Variants in SIAH2 observed in about 807,000 individuals in gnomAD.
The protein encoded by SIAH2 is siah E3 ubiquitin protein ligase 2, also known as E3 ubiquitin-protein ligase SIAH2.
Under a neutral mutation model 20.4 loss-of-function variants are expected in SIAH2, and 4 were observed. That is an observed-to-expected ratio of 0.20 (90% CI 0.10 to 0.45). The LOEUF is 0.45. SIAH2 is among the 20% of genes least tolerant of loss of function. The pLI is 0.99. For missense variants in SIAH2, 259 were observed against 440.3 expected, an observed-to-expected ratio of 0.59 and a Z score of 3.69; for synonymous variants, 171 against 192.5, an observed-to-expected ratio of 0.89 and a Z score of 0.93.
Position 150,762,915 on chromosome 3 carries a change from G to C in SIAH2, c.-66C>G, listed in dbSNP as rs1714659705. 1 of 1,127,362 alleles carries C rather than the reference G, an allele frequency of 8.9e-7. No homozygotes were observed. Among genetic ancestry groups the C allele is most frequent in the Admixed American group, 4.9e-5 (1 of 20,210 alleles). 69.8% of individuals were successfully genotyped at this position (1,127,362 alleles called of 1,614,324 possible). ...CCGCGGGGCCGCCCGGGTCAAGGCG[G>C]TGCGCGCCCCGCGGGCAGCGAGCTC... On this transcript the variant is annotated 5_prime_UTR_variant, in exon 1 of 2. Transcript: ENST00000312960. This position sits in a 1 kb window ranked among gnomAD's most constrained non-coding sequence, Gnocchi z 6.6.
Position 150,762,464 on chromosome 3 carries a change from T to C in SIAH2, c.386A>G (p.Lys129Arg). Residue 129 changes from lysine (K) to arginine (R), a missense_variant, in exon 1 of 2, where the codon AAG (lysine) becomes AGG (arginine). Physicochemically the swap from Lys to Arg is conservative, Grantham distance 26. Transcript: ENST00000312960. This position sits in a 1 kb window ranked among gnomAD's most constrained non-coding sequence, Gnocchi z 6.6. ...TPSIRNLAMEKVASAVLFPCK... is the reference protein window; with the variant it reads ...TPSIRNLAMERVASAVLFPCK... Reference sequence around the variant, plus strand: ...GGGAAACAGGACTGCCGAGGCCACCTTCTCCATAGCCAGGTTCCTGATGCT... The same window carrying C: ...GGGAAACAGGACTGCCGAGGCCACCCTCTCCATAGCCAGGTTCCTGATGCT... 1 of 1,613,430 alleles carries C rather than the reference T, an allele frequency of 6.2e-7. No homozygotes were observed. The highest frequency in any genetic ancestry group is 8.5e-7 in the Non-Finnish European group (1 of 1,179,836).
chr3:150,742,933 C>T lies in SIAH2; in HGVS notation c.418-235G>A, dbSNP rs992174950. On this transcript the variant is annotated intron_variant, in intron 1 of 1. Transcript: ENST00000312960. The surrounding 1 kb of genome is among the most constrained non-coding windows in gnomAD (Gnocchi z 4.8). ...AACCAGAAATACGCTGTTTTCCATG[C>T]CCCCTGTTCCGCTGTCAAAGGGATC... 1.3e-5 allele frequency among the ~76,000 whole-genome samples: 2 copies of T among 152,182 alleles called. No individual in the cohort carries two copies. Among genetic ancestry groups the T allele is most frequent in the Non-Finnish European group, 2.9e-5 (2 of 68,032 alleles).
chr3:150,742,722 GC>G lies in SIAH2; in HGVS notation c.418-25del. 2.0e-6 allele frequency: 3 copies of G among 1,512,434 alleles called. No individual in the cohort carries two copies. Among genetic ancestry groups the G allele is most frequent in the Non-Finnish European group, 2.7e-6 (3 of 1,130,576 alleles). 93.7% of individuals were successfully genotyped at this position (1,512,434 alleles called of 1,614,324 possible). A position where few individuals can be genotyped will look rare whatever the true frequency, so the allele number is the denominator to read the frequency against. On this transcript the variant is annotated intron_variant, in intron 1 of 1. Transcript: ENST00000312960. The surrounding 1 kb of genome is among the most constrained non-coding windows in gnomAD (Gnocchi z 4.8). ...TACTGCAAAGAAAGAAATGCATTGA[GC>G]CATTGGGCCTTCTCAAAACTTCTAT...
rs1260860425 is a variant in SIAH2 at position 150,742,621 on chromosome 3, G to A, written c.495C>T (p.Pro165=). Reference sequence around the variant, plus strand: ...AAGCACCAGGACATGGGCAGGAGTAGGGACGGTATTCACATATGTCTTCAT... The same window carrying A: ...AAGCACCAGGACATGGGCAGGAGTAAGGACGGTATTCACATATGTCTTCAT... The part of the protein sequence containing the change: ...PEHEDICEYR[P]YSCPCPGASC... The change falls in exon 2 of 2, where the codon CCC becomes CCT. Residue 165 remains proline, a synonymous_variant. Coordinates refer to ENST00000312960, the MANE Select transcript of SIAH2 (RefSeq NM_005067.7). The surrounding 1 kb of genome is among the most constrained non-coding windows in gnomAD (Gnocchi z 4.8). 2 of 1,608,700 alleles carry A rather than the reference G, an allele frequency of 1.2e-6. No homozygotes were observed. Among genetic ancestry groups the A allele is most frequent in the African/African-American group, 1.3e-5 (1 of 74,856 alleles).
chr3:150,762,840 G>A lies in SIAH2; in HGVS notation c.10C>T (p.Pro4Ser), dbSNP rs761690507. The change falls in exon 1 of 2, where the codon CCG (proline) becomes TCG (serine). Residue 4 changes from proline to serine, a missense_variant. Pro to Ser is a moderately conservative substitution (Grantham distance 74). Transcript: ENST00000312960. This position sits in a 1 kb window ranked among gnomAD's most constrained non-coding sequence, Gnocchi z 6.6. ...TTAGCGCTGGGGCCGGTGGAGGACG[G>A]GCGGCTCATCGCGCTCCGAACCAAC... MSR[P>S]SSTGPSANKP... 3 of 1,213,286 alleles carry A rather than the reference G, an allele frequency of 2.5e-6. No homozygotes were observed. The highest frequency in any genetic ancestry group is 3.1e-6 in the Non-Finnish European group (3 of 962,040). The allele number at this position is 1,213,286 out of a possible 1,614,324, so 75.2% of individuals were successfully genotyped here.
At chr3:150,750,629 G>C (rs939798896) in intron 1 of SIAH2, among the ~76,000 whole-genome samples, 2 of 151,978 alleles carry the variant, frequency 1.3e-5, no homozygotes, top group Non-Finnish European at 2.9e-5. Context: ...TGTTAGCCAG[G>C]GTAGTCATGA....
chr3:150,753,630 C>CA lies in SIAH2; in HGVS notation c.417+8802dup, dbSNP rs1426312254. On this transcript the variant is annotated intron_variant, in intron 1 of 1. Transcript: ENST00000312960. ...GCAACATGGTGAAACCCTGTTCCTACAAAAAATACAAACATTAGCCAAGCC... is the reference window on the plus strand; with the variant it reads ...GCAACATGGTGAAACCCTGTTCCTACAAAAAAATACAAACATTAGCCAAGCC... 2.0e-5 allele frequency among the ~76,000 whole-genome samples: 3 copies of CA among 151,976 alleles called. No homozygotes were observed. In the East Asian group the frequency reaches 5.8e-4, roughly 29 times the overall value.
intron 1 of SIAH2, among the ~76,000 whole-genome samples, chr3:150,761,562 T>G (rs1054379111): frequency 6.6e-6 from 1 of 152,238 alleles, no homozygotes; most frequent in East Asian, 1.9e-4. Context: ...TCTATGATTC[T>G]ATATTTAGCT....
chr3:150,742,024 ACAC>A lies in SIAH2; in HGVS notation c.*114_*116del. Reference sequence around the variant, plus strand: ...GATGGGACACTGCTGTTCAAACAAAACACGGGTAATTGTGGGTCCTGACTTGTG... The same window carrying A: ...GATGGGACACTGCTGTTCAAACAAAAGGGTAATTGTGGGTCCTGACTTGTG... On this transcript the variant is annotated 3_prime_UTR_variant, in exon 2 of 2. Transcript: ENST00000312960. This position sits in a 1 kb window ranked among gnomAD's most constrained non-coding sequence, Gnocchi z 4.8. 1 of 1,023,928 alleles carries A rather than the reference ACAC, an allele frequency of 9.8e-7. No homozygotes were observed. The highest frequency in any genetic ancestry group is 1.4e-6 in the Non-Finnish European group (1 of 705,596). The allele number at this position is 1,023,928 out of a possible 1,614,324, so 63.4% of individuals were successfully genotyped here. A position where few individuals can be genotyped will look rare whatever the true frequency, so the allele number is the denominator to read the frequency against.
At chr3:150,760,293 A>G (rs1303328969) in intron 1 of SIAH2, among the ~76,000 whole-genome samples, 3 of 152,206 alleles carry the variant, frequency 2.0e-5, no homozygotes, top group African/African-American at 4.8e-5. Context: ...CATCCCCAAG[A>G]TCACATCCTA....
chr3:150,754,885 C>A (rs776124035), intron 1 of SIAH2, among the ~76,000 whole-genome samples: 1 of 152,002 alleles, frequency 6.6e-6, no homozygotes, highest in Non-Finnish European at 1.5e-5. Flanking sequence ...TTACACAGCT[C>A]TATGAAAATG....
Position 150,762,774 on chromosome 3 carries a change from T to G in SIAH2, c.76A>C (p.Thr26Pro). The stretch of plus-strand genomic sequence containing the variant: ...GCCGGGGGCGCAGCCGGGGACGGAG[T>G]GTGCTGGGGCTGCGGCGGCGGCTGC... The part of the protein sequence containing the change: ...SKQPPPQPQH[T>P]PSPAAPPAAA... Residue 26 changes from threonine to proline, a missense_variant, in exon 1 of 2, where the codon ACT becomes CCT. By Grantham distance (38) the Thr-to-Pro change is conservative. Coordinates refer to ENST00000312960, the MANE Select transcript of SIAH2 (RefSeq NM_005067.7). This position sits in a 1 kb window ranked among gnomAD's most constrained non-coding sequence, Gnocchi z 6.6. The G allele has an allele frequency of 1.7e-6, 2 of 1,206,410 alleles. No homozygotes were observed. Among genetic ancestry groups the G allele is most frequent in the Non-Finnish European group, 2.1e-6 (2 of 962,122 alleles). 74.7% of individuals were successfully genotyped at this position (1,206,410 alleles called of 1,614,324 possible).
rs1345873548 is a variant in SIAH2, at chr3:150,758,023, A to G, written c.417+4410T>C. ...GACCCTGAGGCCATGAGTGCATCAA[A>G]TACTTCTCTCCTCTCCTCTCCTCTC... On this transcript the variant is annotated intron_variant, in intron 1 of 1. Coordinates refer to ENST00000312960, the MANE Select transcript of SIAH2 (RefSeq NM_005067.7). Among the ~76,000 whole-genome samples the G allele has an allele frequency of 4.6e-5, 7 of 152,062 alleles. No homozygotes were observed. In the East Asian group the frequency reaches 1.2e-3, roughly 25 times the overall value.
chr3:150,745,770 C>T (rs972764407), intron 1 of SIAH2, among the ~76,000 whole-genome samples: 1 of 152,152 alleles, frequency 6.6e-6, no homozygotes, highest in South Asian at 2.1e-4. Context: ...GCTGGGATTG[C>T]AGGCTTGAGC....
chr3:150,753,094 A>G (rs1714405945), intron 1 of SIAH2, among the ~76,000 whole-genome samples: 1 of 152,166 alleles, frequency 6.6e-6, no homozygotes, highest in Non-Finnish European at 1.5e-5. Flanking sequence ...CGCACCTTCA[A>G]CATGCAGCTG....
In SIAH2 at chr3:150,742,234, G is replaced by A. The variant is rs770915741; in HGVS notation, c.882C>T (p.Ser294=). 7 of 1,613,996 alleles carry A rather than the reference G, an allele frequency of 4.3e-6. No individual in the cohort carries two copies. Among genetic ancestry groups the A allele is most frequent in the African/African-American group, 2.7e-5 (2 of 74,890 alleles). Reference sequence around the variant, plus strand: ...TGGCTGTGTCGAAAACAAGGCAGTCGCTGTTCATGATGGCCGCAGCCACAC... The same window carrying A: ...TGGCTGTGTCGAAAACAAGGCAGTCACTGTTCATGATGGCCGCAGCCACAC... The part of the protein sequence containing the change: ...HDGVAAAIMN[S]DCLVFDTAIA... Residue 294 remains serine, a synonymous_variant, in exon 2 of 2, where the codon AGC becomes AGT. Transcript: ENST00000312960. This position sits in a 1 kb window ranked among gnomAD's most constrained non-coding sequence, Gnocchi z 4.8.
At chr3:150,756,311 G>A (rs1714483990) in intron 1 of SIAH2, among the ~76,000 whole-genome samples, 1 of 152,232 alleles carries the variant, frequency 6.6e-6, no homozygotes, top group Admixed American at 6.5e-5. Context: ...CCAAATGCTG[G>A]CACTGGTACA....
rs150975421 is a variant in SIAH2 at position 150,745,011 on chromosome 3, C to T, written c.418-2313G>A. On this transcript the variant is annotated intron_variant, in intron 1 of 1. Transcript: ENST00000312960. ...AACTGCACAAATAGAAAAGGCATTA[C>T]TTTGCATTTGTGTGGACAACGATCT... Among the ~76,000 whole-genome samples the T allele has an allele frequency of 2.2e-3, 334 of 152,256 alleles. 2 individuals carry two copies. The highest frequency in any genetic ancestry group is 7.8e-3 in the African/African-American group (323 of 41,558).
intron 1 of SIAH2, among the ~76,000 whole-genome samples, chr3:150,745,638 G>C (rs1188364725): frequency 6.6e-6 from 1 of 152,076 alleles, no homozygotes; most frequent in African/African-American, 2.4e-5. Context: ...TGGGACTACA[G>C]GTGCCTGCCA....
Sources: allele counts gnomAD v4.1 joint callset (sites outside exome capture counted in the v4.1 genomes callset), GRCh38; gene constraint gnomAD v4.1.1; non-coding constraint Gnocchi (gnomAD v3.1); transcripts MANE v1.5; gene names NCBI Gene and HGNC (gene_info 2026-07-23, HGNC 2026-07-21).